The following MCF2L2 variants were observed in gnomAD, a reference collection of about 807,000 sequenced individuals.
MCF2L2 encodes probable guanine nucleotide exchange factor MCF2L2.
MCF2L2 carries 102 observed loss-of-function variants against 150.2 expected under a neutral mutation model. The observed-to-expected ratio is 0.68, with a 90% CI of 0.58 to 0.80. The LOEUF (loss-of-function observed/expected upper bound fraction) is 0.80, where lower values mean the gene tolerates loss of function less well. MCF2L2 is among the 30% of genes least tolerant of loss of function. The pLI, the probability that MCF2L2 is intolerant of heterozygous loss-of-function variation, is 0.00. For synonymous variants in MCF2L2, 465 were observed against 491.3 expected (o/e 0.95, Z 0.71); for missense variants, 1,256 against 1,372.8 (o/e 0.91, Z 1.34).
chr3:183,294,782 C>T (rs1209996931), intron 13 of MCF2L2, among the ~76,000 whole-genome samples: 1 of 151,216 alleles, frequency 6.6e-6, no homozygotes, highest in Non-Finnish European at 1.5e-5. Flanking sequence ...GTGCCCACCA[C>T]CACGCCTGGC....
At chr3:183,391,145 G>A (rs927807536) in intron 1 of MCF2L2, among the ~76,000 whole-genome samples, 4 of 152,192 alleles carry the variant, frequency 2.6e-5, no homozygotes, top group African/African-American at 9.7e-5. Flanking sequence ...GCTTTTTGGT[G>A]TGGAGGTTAA....
At chr3:183,404,067 T>C (rs1714912900) in intron 1 of MCF2L2, among the ~76,000 whole-genome samples, 1 of 144,544 alleles carries the variant, frequency 6.9e-6, no homozygotes, top group Non-Finnish European at 1.6e-5. Flanking sequence ...AAAAACAAAA[T>C]TATAAACAGA....
At chr3:183,401,038 GCGCCTCCTGAA>G (rs1714725727) in intron 1 of MCF2L2, among the ~76,000 whole-genome samples, 1 of 152,084 alleles carries the variant, frequency 6.6e-6, no homozygotes, top group Non-Finnish European at 1.5e-5. Context: ...AGGATGTAGA[GCGCCTCCTGAA>G]CGACTCCTGA....
At chr3:183,242,192 T>C (rs1024939495) in intron 15 of MCF2L2, among the ~76,000 whole-genome samples, 1 of 151,782 alleles carries the variant, frequency 6.6e-6, no homozygotes, top group Non-Finnish European at 1.5e-5. Context: ...GCATAAAAGT[T>C]CAGAAAATTG....
At chr3:183,228,241 C>A in intron 18 of MCF2L2, 56 bp downstream of exon 18, 1 of 1,356,326 alleles carries the variant, frequency 7.4e-7, no homozygotes, top group African/African-American at 1.4e-5. Context: ...TGCCACTTAA[C>A]GCAGAAATGT....
At chr3:183,297,405 G>C (rs780771443) in intron 11 of MCF2L2, 1 of 470,482 alleles carries the variant, frequency 2.1e-6, no homozygotes, top group Non-Finnish European at 3.9e-6. Context: ...TCAGCAAAAT[G>C]AGTCTCTTCC....
At chr3:183,285,318 C>T (rs1169610725) in intron 14 of MCF2L2, among the ~76,000 whole-genome samples, 1 of 152,170 alleles carries the variant, frequency 6.6e-6, no homozygotes, top group Admixed American at 6.5e-5. Flanking sequence ...ACATTTAGGG[C>T]ACAAGAGATT....
intron 10 of MCF2L2, among the ~76,000 whole-genome samples, chr3:183,304,569 G>T (rs1213132900): frequency 1.4e-5 from 2 of 147,650 alleles, no homozygotes; most frequent in Admixed American, 1.4e-4. Context: ...GGGTTCAAGC[G>T]ATTCTCCTCC....
chr3:183,297,082 G>A lies in MCF2L2; in HGVS notation c.1391C>T (p.Ala464Val). ...KCQSREGVDIALNDIATFLGT... is the reference protein window; with the variant it reads ...KCQSREGVDIVLNDIATFLGT... The stretch of plus-strand genomic sequence containing the variant: ...CAGGAATGTCGCAATGTCGTTCAAG[G>A]CGATATCAACCCCTTCTCGAGACTG... The change falls in exon 12 of 30, where the codon GCC (alanine) becomes GTC (valine). Residue 464 changes from alanine to valine, a missense_variant. Ala to Val is a moderately conservative substitution (Grantham distance 64). Transcript: ENST00000328913. 1 of 1,614,158 alleles carries A rather than the reference G, an allele frequency of 6.2e-7. No homozygotes were observed. Among genetic ancestry groups the A allele is most frequent in the Non-Finnish European group, 8.5e-7 (1 of 1,180,016 alleles).
chr3:183,367,071 T>C (rs755736803), intron 3 of MCF2L2, among the ~76,000 whole-genome samples: 10 of 152,220 alleles, frequency 6.6e-5, no homozygotes, highest in African/African-American at 1.4e-4. Flanking sequence ...GAACCCATTT[T>C]ACTTTACCAT....
intron 10 of MCF2L2, among the ~76,000 whole-genome samples, chr3:183,304,885 C>CA (rs1406296379): frequency 5.3e-5 from 8 of 152,128 alleles, no homozygotes; most frequent in African/African-American, 1.9e-4. Context: ...GAATGAATGA[C>CA]AGACCTTTCC....
intron 5 of MCF2L2, among the ~76,000 whole-genome samples, chr3:183,327,572 C>T (rs1169679228): frequency 6.6e-6 from 1 of 152,122 alleles, no homozygotes; most frequent in Non-Finnish European, 1.5e-5. Flanking sequence ...CATAATGCTC[C>T]TCATGTTCCC....
intron 13 of MCF2L2, 54 bp downstream of exon 13, chr3:183,295,246 A>G (rs1350145781): frequency 2.6e-6 from 4 of 1,530,966 alleles, no homozygotes; most frequent in Non-Finnish European, 2.6e-6. Context: ...CACAGTCCTC[A>G]TGGTGCTGAT....
At position 183,341,590 on chromosome 3, in the gene MCF2L2, T is replaced by C; in HGVS notation, c.316A>G (p.Arg106Gly). 1 of 1,614,192 alleles carries C rather than the reference T, an allele frequency of 6.2e-7. No individual in the cohort carries two copies. The highest frequency in any genetic ancestry group is 8.5e-7 in the Non-Finnish European group (1 of 1,179,990). ...ASIGFIVVIDRRRDKWSSVKA... is the reference protein window; with the variant it reads ...ASIGFIVVIDGRRDKWSSVKA... ...ACGGAGCTCCACTTGTCTCTTCGTC[T>C]GTCGATAACAACAATGAATCCAATG... Residue 106 changes from arginine (R) to glycine (G), a missense_variant, in exon 4 of 30, where the codon AGA (arginine) becomes GGA (glycine). By Grantham distance (125) the Arg-to-Gly change is moderately radical. Transcript: ENST00000328913.
At chr3:183,292,727 A>G (rs1728234156) in intron 13 of MCF2L2, among the ~76,000 whole-genome samples, 1 of 152,196 alleles carries the variant, frequency 6.6e-6, no homozygotes, top group African/African-American at 2.4e-5. Context: ...GATGGGGAGC[A>G]TATGGAAGTA....
At chr3:183,356,237 G>A (rs1238487187) in intron 3 of MCF2L2, among the ~76,000 whole-genome samples, 5 of 150,718 alleles carry the variant, frequency 3.3e-5, no homozygotes, top group Admixed American at 6.6e-5. Flanking sequence ...AAGTATTGCC[G>A]GGCATTGTAG....
chr3:183,418,174 C>A (rs1715697176), intron 1 of MCF2L2, among the ~76,000 whole-genome samples: 1 of 152,062 alleles, frequency 6.6e-6, no homozygotes, highest in East Asian at 1.9e-4. Context: ...GGTGACAGAG[C>A]AAGACTCCAT....
chr3:183,339,882 T>A (rs1730630792), intron 4 of MCF2L2, among the ~76,000 whole-genome samples: 1 of 152,176 alleles, frequency 6.6e-6, no homozygotes, highest in Non-Finnish European at 1.5e-5. Flanking sequence ...GTAGCCAGAT[T>A]TGGGGATCCC....
intron 14 of MCF2L2, among the ~76,000 whole-genome samples, chr3:183,286,011 G>A (rs535817292): frequency 7.9e-5 from 12 of 152,242 alleles, no homozygotes; most frequent in Non-Finnish European, 1.2e-4. Flanking sequence ...TTCCACCACC[G>A]GGCTTTCCCA....
Sources: gnomAD v4.1 joint callset for allele counts (sites outside exome capture counted in the v4.1 genomes callset) on GRCh38, gnomAD v4.1.1 for gene constraint, MANE v1.5 for transcripts, NCBI Gene and HGNC (gene_info 2026-07-23, HGNC 2026-07-21) for gene names.